The following MANBA variants were observed in gnomAD, a reference collection of about 807,000 sequenced individuals.
The protein encoded by MANBA is beta-mannosidase.
A neutral mutation model predicts 111.1 loss-of-function variants in MANBA; 83 were observed. The observed-to-expected ratio is 0.75, with a 90% CI of 0.63 to 0.90. The LOEUF (loss-of-function observed/expected upper bound fraction) is 0.90, where lower values mean the gene tolerates loss of function less well. Among genes scored for constraint, MANBA ranks in the 40% least tolerant of loss-of-function variants. MANBA has a pLI of 0.00. For missense variants in MANBA, 1,036 were observed against 1,069.0 expected (o/e 0.97, Z 0.43); for synonymous variants, 370 against 378.7 (o/e 0.98, Z 0.27).
Position 102,753,857 on chromosome 4 carries a change from C to T in MANBA, c.177+6861G>A, listed in dbSNP as rs567725766. ...CAGCACTTTGACAGGCCGAGGTGGG[C>T]GGATTGCCTGAGCTCAGGAGATCGA... On this transcript the variant is annotated intron_variant, in intron 1 of 16. Transcript: ENST00000647097. 218 of 383,168 alleles carry T rather than the reference C, an allele frequency of 5.7e-4. 1 individual carries two copies. Among genetic ancestry groups the T allele is most frequent in the African/African-American group, 3.3e-3 (151 of 45,544 alleles). The allele number at this position is 383,168 out of a possible 1,614,324, so 23.7% of individuals were successfully genotyped here. A position where few individuals can be genotyped will look rare whatever the true frequency, so the allele number is the denominator to read the frequency against.
intron 7 of MANBA, 89 bp downstream of exon 7, chr4:102,689,485 A>G (rs1231532875): frequency 4.8e-6 from 4 of 826,074 alleles, no homozygotes; most frequent in Middle Eastern, 3.6e-4. Context: ...AAGAGTTTTG[A>G]CGGTTTCTTC....
chr4:102,668,733 G>C (rs1424306593), intron 10 of MANBA: 12 of 497,610 alleles, frequency 2.4e-5, no homozygotes, highest in Admixed American at 3.2e-5. Flanking sequence ...ATAAGAAAGA[G>C]GAATTCAGCA....
chr4:102,714,397 G>A, intron 5 of MANBA, 41 bp downstream of exon 5: 2 of 1,558,950 alleles, frequency 1.3e-6, no homozygotes, highest in Non-Finnish European at 1.8e-6. Context: ...TTTATAACAA[G>A]AAGACTCAAA....
intron 1 of MANBA, chr4:102,729,720 A>T (rs1722957889): frequency 2.0e-6 from 3 of 1,507,334 alleles, no homozygotes; most frequent in Non-Finnish European, 2.8e-6. Flanking sequence ...CAGAGTCTTC[A>T]GCTGCTGCCT....
chr4:102,717,314 A>G (rs1283132889), intron 4 of MANBA, among the ~76,000 whole-genome samples: 1 of 151,974 alleles, frequency 6.6e-6, no homozygotes, highest in African/African-American at 2.4e-5. Context: ...ATAGGCAGGG[A>G]ACATACAGTG....
intron 10 of MANBA, 35 bp from the exon 11 acceptor site, chr4:102,664,887 G>A: frequency 6.7e-7 from 1 of 1,502,572 alleles, no homozygotes; most frequent in Non-Finnish European, 9.3e-7. Context: ...GATTTTCAAA[G>A]AGTTAACATA....
chr4:102,656,308 T>C (rs228613), intron 12 of MANBA, among the ~76,000 whole-genome samples: 72,050 of 151,592 alleles, frequency 0.48, 17,301 homozygotes, highest in South Asian at 0.54. Context: ...CAAAGGAAGA[T>C]ATACAAATGG....
intron 5 of MANBA, among the ~76,000 whole-genome samples, chr4:102,691,296 C>T (rs1732462695): frequency 1.3e-5 from 2 of 152,016 alleles, no homozygotes; most frequent in Non-Finnish European, 2.9e-5. Context: ...TGAGGACTTT[C>T]TATGTGCCAT....
intron 16 of MANBA, among the ~76,000 whole-genome samples, 177 bp from the exon 17 acceptor site, chr4:102,632,458 C>T (rs1729431442): frequency 6.6e-6 from 1 of 152,218 alleles, no homozygotes; most frequent in Non-Finnish European, 1.5e-5. Context: ...AAAATGACTA[C>T]AGGCTATGGA....
intron 10 of MANBA, chr4:102,666,083 G>GA (rs2110218168): frequency 6.6e-6 from 1 of 152,326 alleles, no homozygotes; most frequent in East Asian, 1.9e-4. Context: ...TGCCACTGAT[G>GA]AAAATACAAA....
chr4:102,752,407 G>C (rs1723843094), intron 1 of MANBA: 1 of 1,039,352 alleles, frequency 9.6e-7, no homozygotes, highest in Non-Finnish European at 1.5e-6. Flanking sequence ...TTCAAATACA[G>C]GTTGCGTGAC....
At chr4:102,688,229 T>C (rs1732305144) in intron 7 of MANBA, among the ~76,000 whole-genome samples, 1 of 152,016 alleles carries the variant, frequency 6.6e-6, no homozygotes, top group South Asian at 2.1e-4. Context: ...AGTGAATGCT[T>C]TGGCCCTTAA....
chr4:102,634,453 G>T (rs1438879932), intron 16 of MANBA, among the ~76,000 whole-genome samples: 1 of 148,200 alleles, frequency 6.7e-6, no homozygotes, highest in Non-Finnish European at 1.5e-5. Context: ...CAGAGACTAT[G>T]AGGTGAAGCA....
intron 1 of MANBA, among the ~76,000 whole-genome samples, chr4:102,757,583 T>C (rs1387135895): frequency 6.6e-6 from 1 of 152,158 alleles, no homozygotes; most frequent in African/African-American, 2.4e-5. Context: ...AGAAATCCTC[T>C]TGTTTCTACA....
intron 13 of MANBA, among the ~76,000 whole-genome samples, chr4:102,645,805 T>C (rs79329573): frequency 0.011 from 1,671 of 152,258 alleles, 24 homozygotes; most frequent in African/African-American, 0.038. Context: ...GTCAATTTTG[T>C]TGATCTATTC....
At chr4:102,732,091 A>G (rs926192170) in intron 1 of MANBA, among the ~76,000 whole-genome samples, 1 of 152,046 alleles carries the variant, frequency 6.6e-6, no homozygotes, top group Non-Finnish European at 1.5e-5. Flanking sequence ...GTGTGTTTTT[A>G]GTAGACATGG....
At chr4:102,725,332 C>T (rs1722754055) in intron 2 of MANBA, among the ~76,000 whole-genome samples, 2 of 152,058 alleles carry the variant, frequency 1.3e-5, no homozygotes, top group Admixed American at 1.3e-4. Context: ...ATACCCTTTG[C>T]TCTTTGCAGG....
intron 1 of MANBA, among the ~76,000 whole-genome samples, chr4:102,760,248 A>G (rs776343799): frequency 2.6e-5 from 4 of 152,190 alleles, no homozygotes; most frequent in Middle Eastern, 3.2e-3. Flanking sequence ...TGCTGCGTCA[A>G]TCCCAAATCT....
chr4:102,739,366 A>G (rs937247325), intron 1 of MANBA, among the ~76,000 whole-genome samples: 7 of 152,382 alleles, frequency 4.6e-5, no homozygotes, highest in Non-Finnish European at 7.3e-5. Flanking sequence ...GCTGAATTCT[A>G]TCAGACATTC....
Sources: gnomAD v4.1 joint callset for allele counts (sites outside exome capture counted in the v4.1 genomes callset) on GRCh38, gnomAD v4.1.1 for gene constraint, MANE v1.5 for transcripts, NCBI Gene and HGNC (gene_info 2026-07-23, HGNC 2026-07-21) for gene names.